IQCM: variants seen among roughly 807,000 people sequenced by gnomAD.
The protein encoded by IQCM is IQ domain-containing protein M.
IQCM carries 45 observed loss-of-function variants against 57.6 expected under a neutral mutation model. The observed-to-expected ratio is 0.78, with a 90% CI of 0.62 to 1.00. The LOEUF is 1.00. IQCM is among the 50% of genes least tolerant of loss of function. IQCM has a pLI of 0.00. For missense variants in IQCM, 468 were observed against 511.6 expected (o/e 0.91, Z 0.82); for synonymous variants, 148 against 158.9 (o/e 0.93, Z 0.51).
At chr4:149,472,294 T>A (rs1175398031) in intron 12 of IQCM, among the ~76,000 whole-genome samples, 1 of 152,120 alleles carries the variant, frequency 6.6e-6, no homozygotes, top group East Asian at 1.9e-4. Context: ...AAAATCAATG[T>A]ACAAAAATCA....
intron 12 of IQCM, among the ~76,000 whole-genome samples, chr4:149,520,284 T>C (rs1406847021): frequency 1.3e-5 from 2 of 150,288 alleles, no homozygotes; most frequent in Non-Finnish European, 3.0e-5. Context: ...TAATGCACCC[T>C]GGCTCCCATA....
rs140771013 is a variant in IQCM, at chr4:149,423,042, A to T, written c.1390+10354T>A. ...AGTGTTAATCCTAGTAAACAAATGCATTATTTTTAATTATCATTATTTTAG... is the reference window on the plus strand; with the variant it reads ...AGTGTTAATCCTAGTAAACAAATGCTTTATTTTTAATTATCATTATTTTAG... On this transcript the variant is annotated intron_variant, in intron 13 of 13. Transcript: ENST00000636793. 3.2e-4 allele frequency among the ~76,000 whole-genome samples: 48 copies of T among 152,182 alleles called. No homozygotes were observed. In the East Asian group the frequency reaches 3.9e-3, roughly 12 times the overall value.
intron 13 of IQCM, among the ~76,000 whole-genome samples, chr4:149,425,286 T>G (rs756714273): frequency 2.0e-5 from 3 of 151,958 alleles, no homozygotes; most frequent in Admixed American, 2.0e-4. Flanking sequence ...GAGATATACA[T>G]AAAGAAATTG....
rs576936852 is a variant in IQCM, at chr4:149,722,473, G to A, written c.385+10771C>T. ...CTATCTTAATTTTTGCATATGGCAA[G>A]TGATAGAGATCCAGTTTCATTCTTC... On this transcript the variant is annotated intron_variant, in intron 5 of 13. Transcript: ENST00000636793. Among the ~76,000 whole-genome samples, 12 of 152,106 alleles carry A rather than the reference G, an allele frequency of 7.9e-5. No homozygotes were observed. The East Asian group carries it at 2.3e-3, about 29-fold the overall frequency.
At chr4:149,474,175 A>G (rs182852036) in intron 12 of IQCM, among the ~76,000 whole-genome samples, 31 of 152,170 alleles carry the variant, frequency 2.0e-4, no homozygotes, top group Non-Finnish European at 4.1e-4. Flanking sequence ...GAAAGCAGTA[A>G]CTATGAAAAG....
At chr4:149,432,276 T>G (rs977829092) in intron 13 of IQCM, among the ~76,000 whole-genome samples, 2 of 151,998 alleles carry the variant, frequency 1.3e-5, no homozygotes, top group Non-Finnish European at 2.9e-5. Context: ...TATTTCACTG[T>G]AGTTTAAATT....
intron 2 of IQCM, among the ~76,000 whole-genome samples, chr4:149,793,495 G>A (rs1007417290): frequency 7.2e-5 from 11 of 152,070 alleles, no homozygotes; most frequent in Non-Finnish European, 1.3e-4. Context: ...GCCAAAAACT[G>A]CTTTAAGCAC....
rs1014078408 is a variant in IQCM at position 149,499,997 on chromosome 4, C to T, written c.1228+48458G>A. On this transcript the variant is annotated intron_variant, in intron 12 of 13. Coordinates refer to ENST00000636793, the MANE Select transcript of IQCM (RefSeq NM_001363507.2). ...TGTAAGAATACATAGGTCTCTTTCC[C>T]AGCTAGCCCAAGGCAACAGCCGAAG... Among the ~76,000 whole-genome samples the T allele has an allele frequency of 5.9e-5, 9 of 152,320 alleles. No individual in the cohort carries two copies. The East Asian group carries it at 1.7e-3, about 29-fold the overall frequency.
chr4:149,476,358 G>A (rs1360691024), intron 12 of IQCM, among the ~76,000 whole-genome samples: 2 of 152,150 alleles, frequency 1.3e-5, no homozygotes, highest in Non-Finnish European at 2.9e-5. Flanking sequence ...AGAGTGGCAG[G>A]AGGAGTATAG....
intron 13 of IQCM, among the ~76,000 whole-genome samples, chr4:149,400,739 T>G (rs544380740): frequency 6.8e-4 from 103 of 151,974 alleles, no homozygotes; most frequent in African/African-American, 2.4e-3. Context: ...AATATTAAAG[T>G]CAATAAATAT....
At chr4:149,639,652 G>A (rs1437118841) in intron 7 of IQCM, among the ~76,000 whole-genome samples, 1 of 152,022 alleles carries the variant, frequency 6.6e-6, no homozygotes, top group Non-Finnish European at 1.5e-5. Flanking sequence ...CAGGTGCAGT[G>A]GCTCATGCCT....
intron 8 of IQCM, among the ~76,000 whole-genome samples, chr4:149,591,905 A>G (rs1753218809): frequency 6.6e-6 from 1 of 152,202 alleles, no homozygotes; most frequent in Non-Finnish European, 1.5e-5. Flanking sequence ...TAGTGCCACA[A>G]TAAACATACG....
chr4:149,782,156 A>G (rs985052288), intron 2 of IQCM, among the ~76,000 whole-genome samples: 2 of 152,160 alleles, frequency 1.3e-5, no homozygotes, highest in African/African-American at 4.8e-5. Context: ...AAAATGATTC[A>G]AGAAAAATTT....
At chr4:149,487,356 G>T (rs1741631669) in intron 12 of IQCM, among the ~76,000 whole-genome samples, 1 of 152,118 alleles carries the variant, frequency 6.6e-6, no homozygotes, top group Non-Finnish European at 1.5e-5. Context: ...AAGCAGAAAG[G>T]ATTCACTTTC....
intron 5 of IQCM, among the ~76,000 whole-genome samples, chr4:149,687,453 G>T (rs1157480900): frequency 1.3e-5 from 2 of 151,362 alleles, no homozygotes; most frequent in African/African-American, 4.8e-5. Flanking sequence ...AAACAATATA[G>T]TAGGAAAGCT....
At chr4:149,478,957 C>G (rs952794469) in intron 12 of IQCM, among the ~76,000 whole-genome samples, 1 of 106,332 alleles carries the variant, frequency 9.4e-6, no homozygotes, top group Non-Finnish European at 1.9e-5. Context: ...GGACTGTGTC[C>G]TCCCCCCAAA....
chr4:149,482,469 T>C (rs1741012870), intron 12 of IQCM, among the ~76,000 whole-genome samples: 1 of 151,976 alleles, frequency 6.6e-6, no homozygotes, highest in South Asian at 2.1e-4. Flanking sequence ...ACCCAATTAT[T>C]GGAGGTTTTT....
intron 12 of IQCM, among the ~76,000 whole-genome samples, chr4:149,519,962 G>A (rs868559349): frequency 1.4e-4 from 21 of 152,172 alleles, no homozygotes; most frequent in Middle Eastern, 3.4e-3. Context: ...GTGAGATCAC[G>A]CCACTGCACT....
intron 9 of IQCM, among the ~76,000 whole-genome samples, chr4:149,586,938 C>T (rs2149998218): frequency 6.6e-6 from 1 of 151,726 alleles, no homozygotes; most frequent in Non-Finnish European, 1.5e-5. Flanking sequence ...ACTATGCAAG[C>T]TGTTACTTTA....
Sources: gnomAD v4.1 joint callset for allele counts (sites outside exome capture counted in the v4.1 genomes callset) on GRCh38, gnomAD v4.1.1 for gene constraint, MANE v1.5 for transcripts, NCBI Gene and HGNC (gene_info 2026-07-23, HGNC 2026-07-21) for gene names.